Variants in NCOA1 observed in about 807,000 individuals in gnomAD.
NCOA1 encodes the protein nuclear receptor coactivator 1, also known as Hin-2 protein.
Under a neutral mutation model 150.9 loss-of-function variants are expected in NCOA1, and 35 were observed. The observed-to-expected ratio is 0.23, with a 90% CI of 0.18 to 0.31. NCOA1 has a LOEUF of 0.31. Ranked by LOEUF, NCOA1 falls within the 10% of genes least tolerant of loss-of-function variation. NCOA1 has a pLI of 1.00. For synonymous variants in NCOA1, 590 were observed against 630.0 expected (o/e 0.94, Z 0.95); for missense variants, 1,491 against 1,749.3 (o/e 0.85, Z 2.63).
At chr2:24,627,279 A>C (rs1412676340) in intron 3 of NCOA1, among the ~76,000 whole-genome samples, 2 of 151,960 alleles carry the variant, frequency 1.3e-5, no homozygotes, top group East Asian at 1.9e-4. Flanking sequence ...TGCATCCCCC[A>C]AAAATGGAAT....
At chr2:24,514,311 A>G (rs1345814960) in intron 1 of NCOA1, among the ~76,000 whole-genome samples, 1 of 150,914 alleles carries the variant, frequency 6.6e-6, no homozygotes, top group Non-Finnish European at 1.5e-5. Context: ...AAAAAAGGAA[A>G]AAAACAAAAA....
intron 1 of NCOA1, among the ~76,000 whole-genome samples, chr2:24,515,530 GC>G (rs2148119103): frequency 1.3e-5 from 2 of 152,196 alleles, no homozygotes; most frequent in Admixed American, 1.3e-4. Flanking sequence ...GAGTCACTGT[GC>G]CCGGCCTTTG....
At chr2:24,630,127 G>T (rs367711798) in intron 3 of NCOA1, among the ~76,000 whole-genome samples, 1 of 152,058 alleles carries the variant, frequency 6.6e-6, no homozygotes, top group African/African-American at 2.4e-5. Flanking sequence ...TTACAGGCGC[G>T]AGCCACCGCG....
chr2:24,576,170 G>GTTTTTGTTTTTTTTTTTTTTTTTTTTT (rs1666967476), intron 2 of NCOA1, among the ~76,000 whole-genome samples: 15 of 46,290 alleles, frequency 3.2e-4, no homozygotes, highest in Admixed American at 9.8e-4. Flanking sequence ...TTTGTTTTTT[G>GTTTTTGTTTTTTTTTTTTTTTTTTTTT]TTTTTTTTTT....
At chr2:24,726,971 T>C (rs963326187) in intron 15 of NCOA1, among the ~76,000 whole-genome samples, 2 of 151,536 alleles carry the variant, frequency 1.3e-5, no homozygotes, top group African/African-American at 4.8e-5. Flanking sequence ...ACCCCATCTC[T>C]ACTAAAAATA....
At chr2:24,610,271 T>C (rs1056425528) in intron 3 of NCOA1, among the ~76,000 whole-genome samples, 1 of 151,610 alleles carries the variant, frequency 6.6e-6, no homozygotes, top group Non-Finnish European at 1.5e-5. Flanking sequence ...CTACAGGCAC[T>C]TGCCACCACG....
intron 3 of NCOA1, among the ~76,000 whole-genome samples, chr2:24,609,992 T>G (rs1258200557): frequency 6.6e-6 from 1 of 152,102 alleles, no homozygotes; most frequent in Non-Finnish European, 1.5e-5. Context: ...TGTCTTTTTC[T>G]TATTGGCTTT....
At chr2:24,765,223 G>C (rs556009962) in intron 22 of NCOA1, among the ~76,000 whole-genome samples, 2 of 151,832 alleles carry the variant, frequency 1.3e-5, no homozygotes, top group Non-Finnish European at 2.9e-5. Context: ...AGACTGGGGA[G>C]CCGGGTGCGG....
intron 21 of NCOA1, among the ~76,000 whole-genome samples, chr2:24,761,185 AT>A (rs1664775587): frequency 6.6e-6 from 1 of 152,148 alleles, no homozygotes; most frequent in Non-Finnish European, 1.5e-5. Flanking sequence ...TCTTCAAATA[AT>A]TTTTGTCACC....
At chr2:24,624,568 C>T (rs1163262171) in intron 3 of NCOA1, among the ~76,000 whole-genome samples, 1 of 152,170 alleles carries the variant, frequency 6.6e-6, no homozygotes, top group Non-Finnish European at 1.5e-5. Context: ...AGCTTTGGTC[C>T]TTGCTTCTGG....
At chr2:24,727,159 AAAAG>A (rs1674675136) in intron 15 of NCOA1, among the ~76,000 whole-genome samples, 1 of 151,234 alleles carries the variant, frequency 6.6e-6, no homozygotes, top group Non-Finnish European at 1.5e-5. Context: ...AAAAAAAAAA[AAAAG>A]GGTGGCGGGG....
intron 6 of NCOA1, among the ~76,000 whole-genome samples, chr2:24,668,736 A>G (rs1470528093): frequency 3.3e-5 from 5 of 152,076 alleles, no homozygotes; most frequent in African/African-American, 7.2e-5. Context: ...TTGTGCAGCA[A>G]CCTAGAAAAT....
chr2:24,552,669 C>T (rs962318188), intron 1 of NCOA1, among the ~76,000 whole-genome samples: 9 of 151,746 alleles, frequency 5.9e-5, no homozygotes, highest in Admixed American at 5.9e-4. Context: ...CCGGCCTGTG[C>T]TTTATATTTT....
At chr2:24,525,109 AAC>A (rs1316661031) in intron 1 of NCOA1, among the ~76,000 whole-genome samples, 1 of 152,206 alleles carries the variant, frequency 6.6e-6, no homozygotes, top group African/African-American at 2.4e-5. Context: ...AATATTGCAA[AAC>A]ACAAATTGTT....
At chr2:24,518,277 T>A (rs1664287194) in intron 1 of NCOA1, among the ~76,000 whole-genome samples, 4 of 152,082 alleles carry the variant, frequency 2.6e-5, no homozygotes, top group Admixed American at 2.6e-4. Context: ...TGATAAAAAT[T>A]CAGCAAATTA....
At chr2:24,690,328 A>G (rs1383555310) in intron 8 of NCOA1, among the ~76,000 whole-genome samples, 2 of 152,190 alleles carry the variant, frequency 1.3e-5, no homozygotes, top group Non-Finnish European at 1.5e-5. Context: ...GTCATTGGAG[A>G]GTTTAAGGTA....
rs1162812967 is a variant in NCOA1 at position 24,545,169 on chromosome 2, A to G, written c.-395-19126A>G. On this transcript the variant is annotated intron_variant, in intron 1 of 22. Coordinates refer to ENST00000348332, the MANE Select transcript of NCOA1 (RefSeq NM_003743.5). Reference sequence around the variant, plus strand: ...ATCTTGGTTTCTAATACCACTCTCCAATAGAAAGAACTAAGGCTCCCTGGA... The same window carrying G: ...ATCTTGGTTTCTAATACCACTCTCCGATAGAAAGAACTAAGGCTCCCTGGA... 5.9e-5 allele frequency among the ~76,000 whole-genome samples: 9 copies of G among 152,160 alleles called. No individual in the cohort carries two copies. The East Asian group carries it at 1.3e-3, about 23-fold the overall frequency.
chr2:24,630,516 C>A (rs1226831146), intron 3 of NCOA1, among the ~76,000 whole-genome samples: 1 of 152,280 alleles, frequency 6.6e-6, no homozygotes, highest in South Asian at 2.1e-4. Flanking sequence ...AAGAAACTTT[C>A]TCTGAGGCGG....
At chr2:24,554,475 G>A (rs752727394) in intron 1 of NCOA1, 2 of 151,998 alleles carry the variant, frequency 1.3e-5, no homozygotes, top group African/African-American at 4.8e-5. Context: ...AGGAAAAGAG[G>A]ACAGGAGATA....
Sources: gnomAD v4.1 joint callset for allele counts (sites outside exome capture counted in the v4.1 genomes callset) on GRCh38, gnomAD v4.1.1 for gene constraint, MANE v1.5 for transcripts, NCBI Gene and HGNC (gene_info 2026-07-23, HGNC 2026-07-21) for gene names.